Variants in TUSC3 observed in about 807,000 individuals in gnomAD.
TUSC3 encodes tumor suppressor candidate 3.
A neutral mutation model predicts 44.8 loss-of-function variants in TUSC3; 45 were observed. The observed-to-expected ratio is 1.00, with a 90% confidence interval of 0.79 to 1.29. TUSC3 has a LOEUF of 1.29. Among genes scored for constraint, TUSC3 ranks in the 50% most tolerant of loss-of-function variants. TUSC3 has a pLI of 0.00. For missense variants in TUSC3, 519 were observed against 437.9 expected, an observed-to-expected ratio of 1.19 and a Z score of -1.65; for synonymous variants, 212 against 152.9, an observed-to-expected ratio of 1.39 and a Z score of -2.85.
intron 8 of TUSC3, among the ~76,000 whole-genome samples, chr8:15,746,270 A>G (rs560812980): frequency 1.5e-3 from 221 of 152,212 alleles, no homozygotes; most frequent in African/African-American, 5.1e-3. Flanking sequence ...CTCTCTTGGT[A>G]GATGTTTGTT....
intron 2 of TUSC3, among the ~76,000 whole-genome samples, chr8:15,516,077 T>C (rs1384035654): frequency 6.6e-6 from 1 of 152,198 alleles, no homozygotes; most frequent in Non-Finnish European, 1.5e-5. Context: ...CAGAAGAATG[T>C]ATAAAGCAGT....
intron 2 of TUSC3, among the ~76,000 whole-genome samples, chr8:15,533,579 T>G (rs1296816634): frequency 6.6e-6 from 1 of 152,208 alleles, no homozygotes; most frequent in Non-Finnish European, 1.5e-5. Flanking sequence ...CTTTTTATCT[T>G]TGTTGCTGTC....
At chr8:15,734,154 C>T (rs936530169) in intron 7 of TUSC3, among the ~76,000 whole-genome samples, 15 of 152,120 alleles carry the variant, frequency 9.9e-5, no homozygotes, top group African/African-American at 3.4e-4. Flanking sequence ...TTGTTTTCTT[C>T]TGGCAAAAAA....
chr8:15,680,979 T>A (rs1585223253), intron 6 of TUSC3, among the ~76,000 whole-genome samples: 2 of 152,266 alleles, frequency 1.3e-5, no homozygotes, highest in Middle Eastern at 6.8e-3. Flanking sequence ...TGGATTCAAT[T>A]TGCTATAATA....
At chr8:15,583,678 A>G (rs2129147750) in intron 1 of TUSC3, among the ~76,000 whole-genome samples, 1 of 152,332 alleles carries the variant, frequency 6.6e-6, no homozygotes, top group Admixed American at 6.5e-5. Flanking sequence ...TTGTACTGGA[A>G]GTGTTCACCT....
At chr8:15,431,941 G>A (rs1375236877) in intron 1 of TUSC3, among the ~76,000 whole-genome samples, 1 of 135,728 alleles carries the variant, frequency 7.4e-6, no homozygotes, top group Non-Finnish European at 1.5e-5. Flanking sequence ...TATTTATGTT[G>A]CACTATCTTT....
chr8:15,770,881 C>G (rs191475772), downstream of TUSC3, among the ~76,000 whole-genome samples: 12 of 152,168 alleles, frequency 7.9e-5, no homozygotes, highest in African/African-American at 2.6e-4. Flanking sequence ...CTTACCAAAT[C>G]TGAAAAAAGA....
At chr8:15,527,121 C>G (rs1801383400) in intron 2 of TUSC3, among the ~76,000 whole-genome samples, 1 of 152,182 alleles carries the variant, frequency 6.6e-6, no homozygotes, top group African/African-American at 2.4e-5. Flanking sequence ...GCGTGCACTG[C>G]TTAGCTGTCC....
upstream of TUSC3, among the ~76,000 whole-genome samples, chr8:15,538,710 G>A (rs1801571979): frequency 6.6e-6 from 1 of 152,034 alleles, no homozygotes; most frequent in Non-Finnish European, 1.5e-5. Flanking sequence ...ATAAAGGCAG[G>A]CAACAAACCA....
At chr8:15,672,453 C>T (rs1041655063) in intron 5 of TUSC3, among the ~76,000 whole-genome samples, 18 of 151,810 alleles carry the variant, frequency 1.2e-4, no homozygotes, top group African/African-American at 4.4e-4. Context: ...CAATATTATC[C>T]TCATGCTATA....
chr8:15,504,905 G>T (rs1292481839), intron 2 of TUSC3, among the ~76,000 whole-genome samples: 2 of 151,634 alleles, frequency 1.3e-5, no homozygotes, highest in Non-Finnish European at 2.9e-5. Flanking sequence ...GCCCACTTCA[G>T]CCTCCCAAAG....
intron 1 of TUSC3, among the ~76,000 whole-genome samples, chr8:15,479,952 G>A (rs529945612): frequency 9.2e-5 from 14 of 152,106 alleles, no homozygotes; most frequent in Non-Finnish European, 2.1e-4. Flanking sequence ...CTTCAGCAAA[G>A]TCTCAGGATA....
intron 5 of TUSC3, among the ~76,000 whole-genome samples, chr8:15,668,147 T>TGGC (rs1330117221): frequency 6.6e-6 from 1 of 151,744 alleles, no homozygotes; most frequent in East Asian, 1.9e-4. Context: ...GCCACAGCAT[T>TGGC]TAGAATTGTG....
At chr8:15,421,262 C>T (rs1056621155) in intron 1 of TUSC3, among the ~76,000 whole-genome samples, 2 of 152,162 alleles carry the variant, frequency 1.3e-5, no homozygotes, top group African/African-American at 4.8e-5. Flanking sequence ...AAGCCAAACT[C>T]CTCACCATGG....
At chr8:15,426,570 A>G (rs910621507) in intron 1 of TUSC3, among the ~76,000 whole-genome samples, 1 of 152,232 alleles carries the variant, frequency 6.6e-6, no homozygotes, top group Non-Finnish European at 1.5e-5. Flanking sequence ...CACAAAGGAC[A>G]GGATTTCTTT....
At chr8:15,436,300 C>T (rs1259301577) in intron 1 of TUSC3, among the ~76,000 whole-genome samples, 1 of 152,178 alleles carries the variant, frequency 6.6e-6, no homozygotes, top group Non-Finnish European at 1.5e-5. Flanking sequence ...TAGATCCCTG[C>T]CTCGTGGACT....
At chr8:15,427,005 G>A (rs950885166) in intron 1 of TUSC3, among the ~76,000 whole-genome samples, 2 of 151,480 alleles carry the variant, frequency 1.3e-5, no homozygotes, top group African/African-American at 4.9e-5. Context: ...GTTGGCATTT[G>A]TACGTCTACA....
At chr8:15,560,642 A>G in intron 1 of TUSC3, among the ~76,000 whole-genome samples, 1 of 115,150 alleles carries the variant, frequency 8.7e-6, no homozygotes, top group East Asian at 2.4e-4. Context: ...CAGGTACACC[A>G]ATCAGACGTA....
upstream of TUSC3, among the ~76,000 whole-genome samples, chr8:15,538,678 AAC>A (rs1333832835): frequency 2.0e-5 from 3 of 152,156 alleles, no homozygotes; most frequent in Non-Finnish European, 4.4e-5. Flanking sequence ...TTAACCTCAC[AAC>A]AGTTTCGTTT....
Sources: allele counts gnomAD v4.1 joint callset (sites outside exome capture counted in the v4.1 genomes callset), GRCh38; gene constraint gnomAD v4.1.1; transcripts MANE v1.5; gene names NCBI Gene and HGNC (gene_info 2026-07-23, HGNC 2026-07-21).